The following CSNK1G1 variants were observed in gnomAD, a reference collection of about 807,000 sequenced individuals.
CSNK1G1 encodes casein kinase I isoform gamma-1.
A neutral mutation model predicts 59.6 loss-of-function variants in CSNK1G1; 22 were observed. That is an observed-to-expected ratio of 0.37 (90% confidence interval 0.26 to 0.53). The LOEUF is 0.53. Ranked by LOEUF, CSNK1G1 falls within the 20% of genes least tolerant of loss-of-function variation. CSNK1G1 has a pLI of 0.89. For missense variants in CSNK1G1, 384 were observed against 519.5 expected (o/e 0.74, Z 2.54); for synonymous variants, 179 against 177.1 (o/e 1.01, Z -0.08).
chr15:64,303,727 G>T (rs1230623697), intron 1 of CSNK1G1, among the ~76,000 whole-genome samples: 1 of 149,718 alleles, frequency 6.7e-6, no homozygotes, highest in Non-Finnish European at 1.5e-5. Context: ...TCCAGCCTGG[G>T]CGACAAGAGC....
intron 10 of CSNK1G1, among the ~76,000 whole-genome samples, chr15:64,187,744 T>C (rs1191858908): frequency 6.6e-6 from 1 of 152,198 alleles, no homozygotes; most frequent in Non-Finnish European, 1.5e-5. Context: ...GAGAACAATA[T>C]TGAGGCTAAG....
intron 2 of CSNK1G1, among the ~76,000 whole-genome samples, chr15:64,295,264 T>C (rs1894959504): frequency 6.6e-6 from 1 of 152,192 alleles, no homozygotes; most frequent in African/African-American, 2.4e-5. Flanking sequence ...AACGCTAGGC[T>C]GGTGGGAGTT....
At position 64,243,530 on chromosome 15, in the gene CSNK1G1, A is replaced by G. The variant is rs532221893; in HGVS notation, c.292+7982T>C. Among the ~76,000 whole-genome samples, 24 of 152,250 alleles carry G rather than the reference A, an allele frequency of 1.6e-4. No homozygotes were observed. In the South Asian group the frequency reaches 4.1e-3, roughly 26 times the overall value. ...TCTCACCACTCTAATTCAACATAGT[A>G]CTAGAAGTACTATCCAGAGCAAACA... On this transcript the variant is annotated intron_variant, in intron 4 of 11. Transcript: ENST00000303052.
chr15:64,353,514 G>A (rs1000304070), intron 1 of CSNK1G1, among the ~76,000 whole-genome samples: 8 of 152,194 alleles, frequency 5.3e-5, no homozygotes, highest in African/African-American at 1.4e-4. Context: ...GGATGTGGTG[G>A]CATGTGCCTG....
At chr15:64,213,774 C>T in intron 6 of CSNK1G1, 116 bp downstream of exon 6, 1 of 731,410 alleles carries the variant, frequency 1.4e-6, no homozygotes, top group Non-Finnish European at 2.3e-6. Context: ...AAAAATCACT[C>T]AACCTTGTGA....
chr15:64,166,103 AAG>A lies in CSNK1G1; in HGVS notation c.*5826_*5827del, dbSNP rs1165801473. On this transcript the variant is annotated 3_prime_UTR_variant, in exon 12 of 12. Transcript: ENST00000303052. This position sits in a 1 kb window ranked among gnomAD's most constrained non-coding sequence, Gnocchi z 4.5. The stretch of plus-strand genomic sequence containing the variant: ...CATCTAAAAAAAAAAAAAGTAAAAA[AAG>A]AGGCATTTAACAATAATCAGACACA... 2 of 615,556 alleles carry A rather than the reference AAG, an allele frequency of 3.2e-6. No individual in the cohort carries two copies. Among genetic ancestry groups the A allele is most frequent in the African/African-American group, 3.8e-5 (2 of 53,096 alleles). The allele number at this position is 615,556 out of a possible 1,614,324, so 38.1% of individuals were successfully genotyped here.
intron 2 of CSNK1G1, among the ~76,000 whole-genome samples, chr15:64,278,329 G>A (rs553177489): frequency 1.3e-5 from 2 of 151,720 alleles, no homozygotes; most frequent in African/African-American, 4.8e-5. Flanking sequence ...TTGTAGGCGT[G>A]AGTCACCACA....
chr15:64,303,451 C>T (rs1405871648), intron 1 of CSNK1G1, among the ~76,000 whole-genome samples: 6 of 151,618 alleles, frequency 4.0e-5, no homozygotes, highest in African/African-American at 1.5e-4. Flanking sequence ...CCCATGTCTA[C>T]AAAAAATTTA....
intron 2 of CSNK1G1, among the ~76,000 whole-genome samples, chr15:64,273,272 G>A (rs1056678885): frequency 6.6e-6 from 1 of 152,084 alleles, no homozygotes; most frequent in Non-Finnish European, 1.5e-5. Context: ...CCATAAGCAT[G>A]TACAATTATT....
rs546881887 is a variant in CSNK1G1, at chr15:64,307,710, G to A, written c.-224-6987C>T. Among the ~76,000 whole-genome samples, 13 of 152,032 alleles carry A rather than the reference G, an allele frequency of 8.6e-5. No homozygotes were observed. The South Asian group carries it at 1.5e-3, about 17-fold the overall frequency. On this transcript the variant is annotated intron_variant, in intron 1 of 11. Coordinates refer to ENST00000303052, the MANE Select transcript of CSNK1G1 (RefSeq NM_022048.5). ...TTTTGATTTTGTTTTTGTTTGAGACGGAGTCTCGCTCTGTCACCCAGGCTG... is the reference window on the plus strand; with the variant it reads ...TTTTGATTTTGTTTTTGTTTGAGACAGAGTCTCGCTCTGTCACCCAGGCTG...
At chr15:64,318,061 T>C (rs1485551085) in intron 1 of CSNK1G1, among the ~76,000 whole-genome samples, 1 of 152,066 alleles carries the variant, frequency 6.6e-6, no homozygotes. Flanking sequence ...CCAACTTAGG[T>C]GGGGAGTTCT....
intron 2 of CSNK1G1, among the ~76,000 whole-genome samples, chr15:64,276,020 T>C (rs970997351): frequency 6.6e-6 from 1 of 152,210 alleles, no homozygotes; most frequent in African/African-American, 2.4e-5. Context: ...CATGATATTC[T>C]GATTAATCTG....
chr15:64,349,981 C>T (rs975222799), intron 1 of CSNK1G1, among the ~76,000 whole-genome samples: 4 of 150,192 alleles, frequency 2.7e-5, no homozygotes, highest in Non-Finnish European at 5.9e-5. Flanking sequence ...TATGTGCACA[C>T]ATTTAGATGA....
At chr15:64,247,646 C>A (rs1325147574) in intron 4 of CSNK1G1, among the ~76,000 whole-genome samples, 1 of 152,112 alleles carries the variant, frequency 6.6e-6, no homozygotes, top group Non-Finnish European at 1.5e-5. Context: ...TTCACAATTA[C>A]CCAGTGCTGT....
intron 4 of CSNK1G1, among the ~76,000 whole-genome samples, chr15:64,227,188 G>A (rs1441470353): frequency 6.6e-6 from 1 of 152,202 alleles, no homozygotes; most frequent in African/African-American, 2.4e-5. Flanking sequence ...AGCAAATTCA[G>A]TGGATTTAAA....
chr15:64,243,443 C>T (rs932463413), intron 4 of CSNK1G1, among the ~76,000 whole-genome samples: 6 of 152,052 alleles, frequency 3.9e-5, no homozygotes, highest in Non-Finnish European at 5.9e-5. Context: ...CAGCTAACAT[C>T]ATTTTAAACA....
chr15:64,340,142 C>CAT (rs1897610836), intron 1 of CSNK1G1, among the ~76,000 whole-genome samples: 1 of 152,138 alleles, frequency 6.6e-6, no homozygotes, highest in South Asian at 2.1e-4. Context: ...CTATAGAATA[C>CAT]ATATTCTTTG....
chr15:64,338,422 C>T (rs182856199), intron 1 of CSNK1G1, among the ~76,000 whole-genome samples: 3 of 152,040 alleles, frequency 2.0e-5, no homozygotes, highest in East Asian at 1.9e-4. Flanking sequence ...CACTTGAGCC[C>T]GGCGCGGTGG....
chr15:64,239,291 C>T (rs1401782837), intron 4 of CSNK1G1, among the ~76,000 whole-genome samples: 3 of 152,064 alleles, frequency 2.0e-5, no homozygotes, highest in Non-Finnish European at 4.4e-5. Context: ...AGTAATAGAC[C>T]CCAATGAAAA....
Sources: gnomAD v4.1 joint callset for allele counts (sites outside exome capture counted in the v4.1 genomes callset) on GRCh38, gnomAD v4.1.1 for gene constraint, Gnocchi (gnomAD v3.1) non-coding constraint, MANE v1.5 for transcripts, NCBI Gene and HGNC (gene_info 2026-07-23, HGNC 2026-07-21) for gene names.